Variants in UBE2E2 observed in about 807,000 individuals in gnomAD.
The protein encoded by UBE2E2 is ubiquitin conjugating enzyme E2 E2.
In UBE2E2, 6 loss-of-function variants were observed where a neutral mutation model predicts 24.7. The ratio of observed to expected loss-of-function variants is 0.24; its 90% CI spans 0.13 to 0.48. UBE2E2 has a LOEUF of 0.48. UBE2E2 is among the 20% of genes least tolerant of loss of function. The pLI, the probability that UBE2E2 is intolerant of heterozygous loss-of-function variation, is 0.99. For synonymous variants in UBE2E2, 104 were observed against 83.6 expected, an observed-to-expected ratio of 1.24 and a Z score of -1.33; for missense variants, 169 against 245.0, an observed-to-expected ratio of 0.69 and a Z score of 2.07.
chr3:23,564,593 G>C (rs1216757678), intron 5 of UBE2E2, among the ~76,000 whole-genome samples: 1 of 152,042 alleles, frequency 6.6e-6, no homozygotes, highest in Non-Finnish European at 1.5e-5. Flanking sequence ...GAATTAAAAG[G>C]AAATTCCTTG....
intron 3 of UBE2E2, among the ~76,000 whole-genome samples, chr3:23,319,704 A>G (rs1268187723): frequency 6.9e-6 from 1 of 143,986 alleles, no homozygotes; most frequent in Non-Finnish European, 1.6e-5. Flanking sequence ...AGTCCTAGCT[A>G]CTTTTGAGGC....
At chr3:23,465,739 TAATGATAAG>T (rs1698907156) in intron 3 of UBE2E2, among the ~76,000 whole-genome samples, 2 of 152,220 alleles carry the variant, frequency 1.3e-5, no homozygotes, top group Admixed American at 6.5e-5. Context: ...TTTCCTTAAC[TAATGATAAG>T]TATCACCACA....
At chr3:23,397,831 C>A (rs553157119) in intron 3 of UBE2E2, among the ~76,000 whole-genome samples, 1 of 152,180 alleles carries the variant, frequency 6.6e-6, no homozygotes, top group East Asian at 1.9e-4. Flanking sequence ...ATGCCTGTTT[C>A]TTTTTTCATT....
intron 3 of UBE2E2, among the ~76,000 whole-genome samples, chr3:23,339,935 G>A (rs1695334980): frequency 6.6e-6 from 1 of 152,036 alleles, no homozygotes; most frequent in Non-Finnish European, 1.5e-5. Flanking sequence ...GGGAAATACT[G>A]AAATATTTAG....
At chr3:23,428,452 T>C (rs955918868) in intron 3 of UBE2E2, among the ~76,000 whole-genome samples, 1 of 152,100 alleles carries the variant, frequency 6.6e-6, no homozygotes, top group Non-Finnish European at 1.5e-5. Context: ...AAGAAAGATC[T>C]AAAATCAGTA....
At chr3:23,219,986 G>A (rs1399088582) in intron 3 of UBE2E2, among the ~76,000 whole-genome samples, 2 of 152,064 alleles carry the variant, frequency 1.3e-5, no homozygotes, top group African/African-American at 4.8e-5. Flanking sequence ...GAATTTTGGT[G>A]CATCTCTTAG....
chr3:23,563,601 C>T (rs1353513167), intron 5 of UBE2E2, among the ~76,000 whole-genome samples: 2 of 151,954 alleles, frequency 1.3e-5, no homozygotes, highest in Non-Finnish European at 2.9e-5. Context: ...GTGTGCTCAG[C>T]AAGTCATGTT....
intron 5 of UBE2E2, among the ~76,000 whole-genome samples, chr3:23,552,780 A>C (rs554061701): frequency 2.0e-5 from 3 of 152,322 alleles, no homozygotes; most frequent in African/African-American, 7.2e-5. Flanking sequence ...ATGCTATTCA[A>C]CTACCATTCA....
Position 23,568,622 on chromosome 3 carries a change from T to C in UBE2E2, c.509-21112T>C, listed in dbSNP as rs199889887. Among the ~76,000 whole-genome samples, 498 of 106,688 alleles carry C rather than the reference T, an allele frequency of 4.7e-3. 3 individuals are homozygous for C. Among genetic ancestry groups the C allele is most frequent in the African/African-American group, 0.014 (446 of 31,800 alleles). The allele number at this position is 106,688 out of a possible 152,430, so 70.0% of individuals were successfully genotyped here. A position where few individuals can be genotyped will look rare whatever the true frequency, so the allele number is the denominator to read the frequency against. ...ATATGTATACATATATACACACACA[T>C]ATATATATGTATACATATATACGCA... is the stretch of plus-strand genomic sequence containing the variant. On this transcript the variant is annotated intron_variant, in intron 5 of 5. Coordinates refer to ENST00000396703, the MANE Select transcript of UBE2E2 (RefSeq NM_152653.4).
At chr3:23,536,978 A>G (rs1445226571) in intron 5 of UBE2E2, among the ~76,000 whole-genome samples, 2 of 152,242 alleles carry the variant, frequency 1.3e-5, no homozygotes, top group East Asian at 1.9e-4. Context: ...AACCAATTTT[A>G]CCATAGGCTG....
chr3:23,513,416 C>T (rs915504609), intron 4 of UBE2E2, among the ~76,000 whole-genome samples: 6 of 113,186 alleles, frequency 5.3e-5, no homozygotes, highest in Admixed American at 2.6e-4. Flanking sequence ...GTTAGAATCA[C>T]ATAATATTAT....
chr3:23,348,527 G>A (rs979130122), intron 3 of UBE2E2, among the ~76,000 whole-genome samples: 1 of 151,938 alleles, frequency 6.6e-6, no homozygotes, highest in Non-Finnish European at 1.5e-5. Context: ...TCCAAAGCTG[G>A]GTTTTTACCT....
At chr3:23,464,988 G>T (rs1575648008) in intron 3 of UBE2E2, among the ~76,000 whole-genome samples, 1 of 152,192 alleles carries the variant, frequency 6.6e-6, no homozygotes, top group Non-Finnish European at 1.5e-5. Context: ...CCTTTGAAAA[G>T]CAAAGAAGTA....
chr3:23,545,627 G>A (rs754073467), intron 5 of UBE2E2, among the ~76,000 whole-genome samples: 1 of 152,072 alleles, frequency 6.6e-6, no homozygotes, highest in South Asian at 2.1e-4. Context: ...TTCCCCACAA[G>A]ATCTACCATT....
intron 3 of UBE2E2, among the ~76,000 whole-genome samples, chr3:23,371,510 A>T (rs564569913): frequency 1.2e-4 from 18 of 152,268 alleles, no homozygotes; most frequent in African/African-American, 4.1e-4. Flanking sequence ...TTATTTAATT[A>T]TTGACATCCT....
At chr3:23,465,345 A>G (rs1331263145) in intron 3 of UBE2E2, among the ~76,000 whole-genome samples, 1 of 152,240 alleles carries the variant, frequency 6.6e-6, no homozygotes, top group African/African-American at 2.4e-5. Context: ...TTGGAATCAC[A>G]CTAGGTATAA....
intron 3 of UBE2E2, among the ~76,000 whole-genome samples, chr3:23,224,547 CT>C (rs1491434681): frequency 6.0e-4 from 30 of 49,938 alleles, no homozygotes; most frequent in Middle Eastern, 0.021. Flanking sequence ...GTTCTAACAG[CT>C]TTTTTTTTTT....
At chr3:23,559,248 A>T (rs565068791) in intron 5 of UBE2E2, among the ~76,000 whole-genome samples, 104 of 152,196 alleles carry the variant, frequency 6.8e-4, no homozygotes, top group African/African-American at 2.5e-3. Flanking sequence ...TGTACCTTTT[A>T]TGGAATTCAA....
At chr3:23,574,680 G>A (rs918469827) in intron 5 of UBE2E2, among the ~76,000 whole-genome samples, 2 of 152,148 alleles carry the variant, frequency 1.3e-5, no homozygotes, top group African/African-American at 4.8e-5. Flanking sequence ...TCATGCCTGT[G>A]ATTAGGCACT....
Sources: gnomAD v4.1 joint callset for allele counts (sites outside exome capture counted in the v4.1 genomes callset) on GRCh38, gnomAD v4.1.1 for gene constraint, MANE v1.5 for transcripts, NCBI Gene and HGNC (gene_info 2026-07-23, HGNC 2026-07-21) for gene names.